Variants in MAN2A2 observed in about 807,000 individuals in gnomAD.
MAN2A2 encodes the protein alpha-mannosidase 2x.
Under a neutral mutation model 126.8 loss-of-function variants are expected in MAN2A2, and 79 were observed. The ratio of observed to expected loss-of-function variants is 0.62; its 90% confidence interval spans 0.52 to 0.75. MAN2A2 has a LOEUF of 0.75. Among genes scored for constraint, MAN2A2 ranks in the 30% least tolerant of loss-of-function variants. The pLI is 0.00. For synonymous variants in MAN2A2, 671 were observed against 618.7 expected (o/e 1.08, Z -1.25); for missense variants, 1,392 against 1,522.4 (o/e 0.91, Z 1.43).
chr15:90,916,905 C>T (rs2035231772), intron 20 of MAN2A2, among the ~76,000 whole-genome samples: 1 of 152,224 alleles, frequency 6.6e-6, no homozygotes, highest in Admixed American at 6.5e-5. Flanking sequence ...CTTTGTCTCA[C>T]TGATCCTGAG....
chr15:90,905,229 T>C (rs769952059), intron 2 of MAN2A2, 22 bp from the exon 3 acceptor site: 1 of 1,607,346 alleles, frequency 6.2e-7, no homozygotes, highest in South Asian at 1.1e-5. Context: ...CTGTGTGTGA[T>C]TGCTTTCTGG....
At chr15:90,914,521 T>C (rs936461138) in intron 19 of MAN2A2, among the ~76,000 whole-genome samples, 36 of 152,168 alleles carry the variant, frequency 2.4e-4, no homozygotes, top group Non-Finnish European at 3.2e-4. Flanking sequence ...CGTTCTTTTT[T>C]TTTGTTTTTT....
chr15:90,911,860 C>A, intron 14 of MAN2A2, 183 bp from the exon 15 acceptor site: 1 of 655,600 alleles, frequency 1.5e-6, no homozygotes, highest in South Asian at 1.8e-5. Flanking sequence ...TTTCAAATAT[C>A]ACTTGAGAAT....
At chr15:90,913,450 T>C (rs771561284) in intron 18 of MAN2A2, 44 bp downstream of exon 18, 2 of 1,576,824 alleles carry the variant, frequency 1.3e-6, no homozygotes, top group Admixed American at 1.7e-5. Context: ...AGAGTAGAAC[T>C]TGGACTCTGC....
At chr15:90,913,056 TC>T in intron 17 of MAN2A2, 65 bp downstream of exon 17, 1 of 1,348,902 alleles carries the variant, frequency 7.4e-7, no homozygotes, top group Admixed American at 1.8e-5. Context: ...GGCGTATTCT[TC>T]CTTCTGCTGC....
At chr15:90,916,313 C>CG (rs1190967396) in intron 20 of MAN2A2, 57 bp downstream of exon 20, 3 of 1,578,802 alleles carry the variant, frequency 1.9e-6, no homozygotes, top group Non-Finnish European at 2.6e-6. Flanking sequence ...TGGGGGTGGC[C>CG]GGGGGGTCCA....
intron 20 of MAN2A2, chr15:90,917,854 C>T (rs371636568): frequency 2.7e-4 from 64 of 233,962 alleles, no homozygotes; most frequent in African/African-American, 1.4e-3. Context: ...GTGAGGCCTG[C>T]GTCTGCCTGG....
rs749196715 is a variant in MAN2A2, at chr15:90,922,195, C to T, written c.*2408C>T. 4 of 152,056 alleles carry T rather than the reference C, an allele frequency of 2.6e-5. No homozygotes were observed. The highest frequency in any genetic ancestry group is 1.9e-4 in the East Asian group (1 of 5,182). The allele number at this position is 152,056 out of a possible 1,614,324, so 9.4% of individuals were successfully genotyped here. A position where few individuals can be genotyped will look rare whatever the true frequency, so the allele number is the denominator to read the frequency against. On this transcript the variant is annotated 3_prime_UTR_variant, in exon 23 of 23. Coordinates refer to ENST00000559717, the MANE Select transcript of MAN2A2 (RefSeq NM_006122.4). Reference sequence around the variant, plus strand: ...TATTTGCAGCACATAAAAAAATCAACGAGTACAATTACTTTAGGAGAAAAG... The same window carrying T: ...TATTTGCAGCACATAAAAAAATCAATGAGTACAATTACTTTAGGAGAAAAG...
intron 8 of MAN2A2, 84 bp downstream of exon 8, chr15:90,907,579 C>G: frequency 7.2e-7 from 1 of 1,379,736 alleles, no homozygotes; most frequent in Non-Finnish European, 9.9e-7. Flanking sequence ...AGGGTGGGCT[C>G]AGGTGGTGAG....
intron 6 of MAN2A2, 38 bp downstream of exon 6, chr15:90,906,535 G>C: frequency 6.2e-7 from 1 of 1,613,756 alleles, no homozygotes; most frequent in Non-Finnish European, 8.5e-7. Context: ...TGCCCCCTGG[G>C]CTGTAAGGCA....
Position 90,910,191 on chromosome 15 carries a change from TTTC to T in MAN2A2, c.1481_1483del (p.Phe494del). ...CAGGGTTTCCTGTGCTGAGCGGGGATTTCTTCTCCTATGCGGACCGGGAGGATC... is the reference window on the plus strand; with the variant it reads ...CAGGGTTTCCTGTGCTGAGCGGGGATTTCTCCTATGCGGACCGGGAGGATC... On this transcript the variant is annotated inframe_deletion, in exon 10 of 23. Coordinates refer to ENST00000559717, the MANE Select transcript of MAN2A2 (RefSeq NM_006122.4). 6.2e-7 allele frequency: 1 copy of T among 1,614,156 alleles called. No homozygotes were observed. Among genetic ancestry groups the T allele is most frequent in the Non-Finnish European group, 8.5e-7 (1 of 1,180,026 alleles).
chr15:90,903,800 G>A (rs1321168608), intron 1 of MAN2A2: 1 of 321,884 alleles, frequency 3.1e-6, no homozygotes, highest in African/African-American at 2.2e-5. Context: ...TTGGGTTCTG[G>A]CTAAACTTTT....
rs906898842 is a variant in MAN2A2, at chr15:90,906,866, A to G, written c.962A>G (p.His321Arg). 3 of 1,614,092 alleles carry G rather than the reference A, an allele frequency of 1.9e-6. No individual in the cohort carries two copies. Among genetic ancestry groups the G allele is most frequent in the African/African-American group, 1.3e-5 (1 of 75,028 alleles). Residue 321 changes from histidine to arginine, a missense_variant, in exon 7 of 23, where the codon CAC (histidine) becomes CGC (arginine). Physicochemically the swap from His to Arg is conservative, Grantham distance 29. Transcript: ENST00000559717. ...IQRVHYAIKK[H>R]FAATHSLEFM... Reference sequence around the variant, plus strand: ...AGAGTGCACTATGCCATCAAGAAGCACTTTGCTGCCACCCACAGCCTAGAG... The same window carrying G: ...AGAGTGCACTATGCCATCAAGAAGCGCTTTGCTGCCACCCACAGCCTAGAG...
At chr15:90,911,001 G>T (rs2151308444) in intron 12 of MAN2A2, 40 bp downstream of exon 12, 1 of 1,558,834 alleles carries the variant, frequency 6.4e-7, no homozygotes, top group African/African-American at 1.4e-5. Flanking sequence ...CCTCTGGTGT[G>T]TGCAGGTCCC....
chr15:90,909,838 C>T (rs916587232), intron 9 of MAN2A2, among the ~76,000 whole-genome samples: 1 of 152,158 alleles, frequency 6.6e-6, no homozygotes, highest in Admixed American at 6.5e-5. Flanking sequence ...CTCCTGACTT[C>T]GTGATCCACT....
chr15:90,912,265 A>G lies in MAN2A2; in HGVS notation c.2332A>G (p.Thr778Ala). The change falls in exon 15 of 23, where the codon ACT becomes GCT. Residue 778 changes from threonine (T) to alanine (A), a missense_variant. By Grantham distance (58) the Thr-to-Ala change is moderately conservative (BLOSUM62 0). Coordinates refer to ENST00000559717, the MANE Select transcript of MAN2A2 (RefSeq NM_006122.4). The stretch of plus-strand genomic sequence containing the variant: ...CATGCAGGTCTGGTTCTCAGGCCTT[A>G]CTGGGCTCCTCAAGGTAAAAGGCCA... ...RYMQVWFSGL[T>A]GLLKSIRRVD... 6.2e-7 allele frequency: 1 copy of G among 1,614,180 alleles called. No individual in the cohort carries two copies.
rs1469131304 is a variant in MAN2A2 at position 90,912,206 on chromosome 15, C to T, written c.2273C>T (p.Ser758Phe). The T allele has an allele frequency of 6.2e-7, 1 of 1,614,090 alleles. No homozygotes were observed. The highest frequency in any genetic ancestry group is 1.3e-5 in the African/African-American group (1 of 74,950). The stretch of plus-strand genomic sequence containing the variant: ...GCGTTTCCTCTCCGTGTCATTGACT[C>T]TGGCACCAGCGACTTCGCCCTCAGC... The part of the protein sequence containing the change: ...HEAFPLRVID[S>F]GTSDFALSNR... Residue 758 changes from serine to phenylalanine, a missense_variant, in exon 15 of 23, where the codon TCT becomes TTT. Transcript: ENST00000559717.
rs368223581 is a variant in MAN2A2, at chr15:90,905,423, C to T, written c.305C>T (p.Pro102Leu). The T allele has an allele frequency of 3.2e-5, 51 of 1,613,618 alleles. No individual in the cohort carries two copies. The highest frequency in any genetic ancestry group is 1.1e-4 in the East Asian group (5 of 44,892). ...YTVNGSWVVPPEPRPSFFSIS... is the reference protein window; with the variant it reads ...YTVNGSWVVPLEPRPSFFSIS... Reference sequence around the variant, plus strand: ...GTCAATGGCTCCTGGGTGGTGCCACCGGAGCCCCGGCCCAGCTTCTTCTCC... The same window carrying T: ...GTCAATGGCTCCTGGGTGGTGCCACTGGAGCCCCGGCCCAGCTTCTTCTCC... Residue 102 changes from proline to leucine, a missense_variant, in exon 3 of 23, where the codon CCG becomes CTG. By Grantham distance (98) the Pro-to-Leu change is moderately conservative (BLOSUM62 -3). Coordinates refer to ENST00000559717, the MANE Select transcript of MAN2A2 (RefSeq NM_006122.4).
intron 22 of MAN2A2, among the ~76,000 whole-genome samples, 200 bp from the exon 23 acceptor site, chr15:90,919,435 C>T (rs1343681178): frequency 3.3e-5 from 5 of 152,222 alleles, no homozygotes; most frequent in East Asian, 1.9e-4. Flanking sequence ...GACGGGGTTT[C>T]GCCATGTTGG....
Sources: allele counts gnomAD v4.1 joint callset (sites outside exome capture counted in the v4.1 genomes callset), GRCh38; gene constraint gnomAD v4.1.1; transcripts MANE v1.5; gene names NCBI Gene and HGNC (gene_info 2026-07-23, HGNC 2026-07-21).